ROBO2: variants seen among roughly 807,000 people sequenced by gnomAD.
The protein encoded by ROBO2 is roundabout homolog 2.
A neutral mutation model predicts 160.8 loss-of-function variants in ROBO2; 53 were observed. The ratio of observed to expected loss-of-function variants is 0.33; its 90% confidence interval spans 0.26 to 0.41. The LOEUF (loss-of-function observed/expected upper bound fraction) is 0.41, where lower values mean the gene tolerates loss of function less well. Ranked by LOEUF, ROBO2 falls within the 10% of genes least tolerant of loss-of-function variation. The pLI is 1.00. For missense variants in ROBO2, 1,577 were observed against 1,722.4 expected, an observed-to-expected ratio of 0.92 and a Z score of 1.49; for synonymous variants, 664 against 611.7, an observed-to-expected ratio of 1.09 and a Z score of -1.26.
At chr3:77,368,915 T>C (rs1049068577) in intron 2 of ROBO2, among the ~76,000 whole-genome samples, 1 of 152,198 alleles carries the variant, frequency 6.6e-6, no homozygotes, top group Non-Finnish European at 1.5e-5. Context: ...TGAACACCCA[T>C]AAAGTCACCT....
At chr3:76,022,112 C>T (rs1559841134) in intron 2 of ROBO2, among the ~76,000 whole-genome samples, 2 of 151,864 alleles carry the variant, frequency 1.3e-5, no homozygotes, top group East Asian at 3.9e-4. Flanking sequence ...TTTCTTTGCT[C>T]ATCTGTAAGA....
chr3:76,211,830 G>C (rs1703164536), intron 2 of ROBO2, among the ~76,000 whole-genome samples: 2 of 151,902 alleles, frequency 1.3e-5, no homozygotes, highest in Admixed American at 6.6e-5. Flanking sequence ...CCTTTTACTT[G>C]ATATACCTAA....
intron 2 of ROBO2, among the ~76,000 whole-genome samples, chr3:76,599,687 C>T (rs4856044): frequency 0.94 from 142,942 of 152,298 alleles, 67,705 homozygotes; most frequent in Non-Finnish European, 1. Flanking sequence ...GCATTCCTTT[C>T]GCTTCACAAC....
rs1216117965 is a variant in ROBO2 at position 77,010,440 on chromosome 3, C to T, written c.110-87574C>T. ...GCTTAACATTCTCCAAAGACATCTC[C>T]GCGTTTATAATAAAAGCCACCTCTT... On this transcript the variant is annotated intron_variant, in intron 2 of 26. Transcript: ENST00000487694. Among the ~76,000 whole-genome samples the T allele has an allele frequency of 3.3e-5, 5 of 152,118 alleles. No individual in the cohort carries two copies. In the East Asian group the frequency reaches 5.8e-4, roughly 18 times the overall value.
intron 2 of ROBO2, among the ~76,000 whole-genome samples, chr3:76,469,811 T>A (rs1468974030): frequency 6.6e-6 from 1 of 152,078 alleles, no homozygotes; most frequent in Non-Finnish European, 1.5e-5. Flanking sequence ...CCTCACTGAT[T>A]TGAGGAGATG....
chr3:76,261,650 T>C (rs945392130), intron 2 of ROBO2, among the ~76,000 whole-genome samples: 1 of 152,076 alleles, frequency 6.6e-6, no homozygotes, highest in Non-Finnish European at 1.5e-5. Context: ...TAAATAAGTC[T>C]AAAATTATTT....
chr3:77,433,486 G>GTACATATATATATATACATATATA (rs1325507347), intron 2 of ROBO2, among the ~76,000 whole-genome samples: 1 of 99,402 alleles, frequency 1.0e-5, no homozygotes. Context: ...CTGGCAACTT[G>GTACATATATATATATACATATATA]TATATATATA....
intron 2 of ROBO2, among the ~76,000 whole-genome samples, chr3:76,911,427 T>C (rs2075986357): frequency 6.6e-6 from 1 of 152,152 alleles, no homozygotes; most frequent in South Asian, 2.1e-4. Context: ...AGGAAGTTAC[T>C]GTTGGGTTTA....
At chr3:76,366,392 T>A (rs555764795) in intron 2 of ROBO2, among the ~76,000 whole-genome samples, 26 of 152,110 alleles carry the variant, frequency 1.7e-4, no homozygotes, top group Admixed American at 1.6e-3. Flanking sequence ...TACTTCAGAT[T>A]TTTTTTATGA....
At chr3:76,089,355 T>TA (rs528669830) in intron 2 of ROBO2, among the ~76,000 whole-genome samples, 56 of 151,544 alleles carry the variant, frequency 3.7e-4, no homozygotes, top group South Asian at 2.1e-3. Context: ...TTTACCCTAA[T>TA]AAAAAAAACC....
At chr3:75,924,183 C>A (rs1325656715) in intron 1 of ROBO2, among the ~76,000 whole-genome samples, 2 of 152,028 alleles carry the variant, frequency 1.3e-5, no homozygotes, top group Admixed American at 6.6e-5. Context: ...TGTTGTCAGG[C>A]AGCATGGGAG....
chr3:77,369,799 A>G (rs2153475795), intron 2 of ROBO2, among the ~76,000 whole-genome samples: 1 of 152,292 alleles, frequency 6.6e-6, no homozygotes, highest in South Asian at 2.1e-4. Context: ...TTGTCCCAAG[A>G]GTTATATTCT....
At chr3:76,938,278 CGGGA>C (rs1198701609) in intron 2 of ROBO2, among the ~76,000 whole-genome samples, 4 of 151,952 alleles carry the variant, frequency 2.6e-5, no homozygotes, top group Non-Finnish European at 5.9e-5. Flanking sequence ...CGCTTGAACC[CGGGA>C]GGCGGACGCT....
chr3:76,609,588 A>T lies in ROBO2; in HGVS notation c.110-488426A>T, dbSNP rs570470846. On this transcript the variant is annotated intron_variant, in intron 2 of 26. Coordinates refer to the ROBO2 transcript ENST00000487694. ...CATTTTGTATCCTGCAACTTTACTGAATTTGTTTATTAGCTTGGATAGGTT... is the reference window on the plus strand; with the variant it reads ...CATTTTGTATCCTGCAACTTTACTGTATTTGTTTATTAGCTTGGATAGGTT... 5.9e-5 allele frequency among the ~76,000 whole-genome samples: 9 copies of T among 152,132 alleles called. No homozygotes were observed. In the East Asian group the frequency reaches 1.5e-3, roughly 26 times the overall value.
intron 2 of ROBO2, among the ~76,000 whole-genome samples, chr3:76,990,904 AG>A (rs1227108633): frequency 6.6e-6 from 1 of 152,158 alleles, no homozygotes; most frequent in African/African-American, 2.4e-5. Flanking sequence ...CACACTGAAC[AG>A]GCTCCCCTCC....
chr3:76,644,299 C>A (rs2090854687), intron 2 of ROBO2, among the ~76,000 whole-genome samples: 1 of 148,602 alleles, frequency 6.7e-6, no homozygotes, highest in South Asian at 2.2e-4. Context: ...CAATTCAAGA[C>A]AACTCAACAA....
intron 2 of ROBO2, among the ~76,000 whole-genome samples, chr3:77,352,239 A>AG (rs1177309265): frequency 6.6e-6 from 1 of 151,098 alleles, no homozygotes; most frequent in South Asian, 2.1e-4. Context: ...TTTTCTGAAA[A>AG]AAAAATAAAA....
chr3:76,409,242 A>T lies in ROBO2; in HGVS notation c.109+471640A>T, dbSNP rs573417957. On this transcript the variant is annotated intron_variant, in intron 2 of 26. Transcript: ENST00000487694. ...AGGTATCAAGATAAGTAATGATCAG[A>T]TCCAACTACAAGATTATGTCGGGCT... Among the ~76,000 whole-genome samples, 244 of 152,176 alleles carry T rather than the reference A, an allele frequency of 1.6e-3. 1 individual carries two copies. Among genetic ancestry groups the T allele is most frequent in the African/African-American group, 5.6e-3 (232 of 41,558 alleles).
chr3:77,626,932 C>G (rs550820229), intron 23 of ROBO2, among the ~76,000 whole-genome samples: 1 of 152,196 alleles, frequency 6.6e-6, no homozygotes, highest in Non-Finnish European at 1.5e-5. Flanking sequence ...CTGGTGGCCT[C>G]ACCATCTGAC....
Sources: gnomAD v4.1 joint callset for allele counts (sites outside exome capture counted in the v4.1 genomes callset) on GRCh38, gnomAD v4.1.1 for gene constraint, MANE v1.5 for transcripts, NCBI Gene and HGNC (gene_info 2026-07-23, HGNC 2026-07-21) for gene names.